IPP: variants seen among roughly 807,000 people sequenced by gnomAD.
The protein encoded by IPP is intracisternal A particle-promoted polypeptide.
In IPP, 41 loss-of-function variants were observed where a neutral mutation model predicts 64.1. That is an observed-to-expected ratio of 0.64 (90% CI 0.50 to 0.83). The LOEUF is 0.83. Among genes scored for constraint, IPP ranks in the 40% least tolerant of loss-of-function variants. The pLI is 0.00. For synonymous variants in IPP, 214 were observed against 235.2 expected (o/e 0.91, Z 0.83); for missense variants, 649 against 703.0 (o/e 0.92, Z 0.87).
At chr1:45,720,666 T>C (rs1413894189) in intron 5 of IPP, among the ~76,000 whole-genome samples, 1 of 152,134 alleles carries the variant, frequency 6.6e-6, no homozygotes, top group Non-Finnish European at 1.5e-5. Context: ...CAGAGACTAA[T>C]GGAACAGAAA....
At chr1:45,702,804 C>A (rs904292744) in intron 8 of IPP, among the ~76,000 whole-genome samples, 1 of 152,070 alleles carries the variant, frequency 6.6e-6, no homozygotes, top group Non-Finnish European at 1.5e-5. Flanking sequence ...CTATTCATTT[C>A]AAAGCCATAT....
chr1:45,739,553 C>G (rs1646032376), intron 3 of IPP, among the ~76,000 whole-genome samples: 1 of 151,090 alleles, frequency 6.6e-6, no homozygotes, highest in African/African-American at 2.4e-5. Context: ...TTGCACCTGG[C>G]CTAAAGTAAT....
intron 8 of IPP, among the ~76,000 whole-genome samples, chr1:45,708,445 G>C (rs571955414): frequency 6.8e-6 from 1 of 147,334 alleles, no homozygotes; most frequent in African/African-American, 2.5e-5. Context: ...TTGGGAGGCC[G>C]AGGCAGGTGG....
intron 5 of IPP, among the ~76,000 whole-genome samples, chr1:45,721,773 G>A (rs548233567): frequency 6.6e-6 from 1 of 152,314 alleles, no homozygotes; most frequent in Admixed American, 6.5e-5. Context: ...CTTGAAAGAA[G>A]AAATCCGGCT....
At chr1:45,706,006 G>C (rs1645508256) in intron 8 of IPP, among the ~76,000 whole-genome samples, 1 of 152,128 alleles carries the variant, frequency 6.6e-6, no homozygotes, top group East Asian at 1.9e-4. Flanking sequence ...ACAGAGATCA[G>C]AGTTTGGTAC....
At chr1:45,718,982 C>T (rs905210063) in intron 6 of IPP, among the ~76,000 whole-genome samples, 4 of 151,028 alleles carry the variant, frequency 2.6e-5, no homozygotes, top group African/African-American at 9.7e-5. Flanking sequence ...TTTAATTGTA[C>T]ATTTAAAAAT....
Position 45,729,686 on chromosome 1 carries a change from T to G in IPP, c.808A>C (p.Lys270Gln), listed in dbSNP as rs758685331. The G allele has an allele frequency of 4.3e-6, 7 of 1,612,262 alleles. No homozygotes were observed. The South Asian group carries it at 7.7e-5, about 18-fold the overall frequency. ...GATGTCTGCAGAAAACTACAAAACT[T>G]GTTCTCTTTGGGAGATTTGCATACT... ...CEVCKSPKEN[K>Q]FCSFLQTSKV... The change falls in exon 4 of 9, where the codon AAG becomes CAG. Residue 270 changes from lysine to glutamine, a missense_variant. Coordinates refer to ENST00000396478, the MANE Select transcript of IPP (RefSeq NM_005897.3).
At chr1:45,724,730 A>G (rs960416193) in intron 5 of IPP, among the ~76,000 whole-genome samples, 5 of 133,274 alleles carry the variant, frequency 3.8e-5, no homozygotes, top group African/African-American at 8.8e-5. Flanking sequence ...AAGTGAGGAA[A>G]CCCTCTGCCT....
At position 45,727,799 on chromosome 1, in the gene IPP, C is replaced by A; in HGVS notation, c.881-1G>T. 6.6e-7 allele frequency: 1 copy of A among 1,513,720 alleles called. No individual in the cohort carries two copies. Among genetic ancestry groups the A allele is most frequent in the Non-Finnish European group, 9.0e-7 (1 of 1,114,680 alleles). 93.8% of individuals were successfully genotyped at this position (1,513,720 alleles called of 1,614,324 possible). On this transcript the variant is annotated splice_acceptor_variant, in intron 4 of 8. Coordinates refer to ENST00000396478, the MANE Select transcript of IPP (RefSeq NM_005897.3). LOFTEE classifies it high-confidence loss of function. ...CCCCCCTGCAACCGAGTATATCCAC[C>A]TAAACAAAAGAAGAAAAGGTAGTAA...
chr1:45,724,338 C>T (rs1645776614), intron 5 of IPP, among the ~76,000 whole-genome samples: 1 of 151,576 alleles, frequency 6.6e-6, no homozygotes, highest in Admixed American at 6.6e-5. Context: ...GCTACAACCA[C>T]CTCCCAGCCG....
At chr1:45,719,497 A>C (rs571583415) in intron 5 of IPP, among the ~76,000 whole-genome samples, 157 bp from the exon 6 acceptor site, 1 of 152,336 alleles carries the variant, frequency 6.6e-6, no homozygotes, top group African/African-American at 2.4e-5. Flanking sequence ...GTCAAGCAGT[A>C]TTTTGAATCT....
chr1:45,747,588 G>A (rs992462128), intron 1 of IPP, among the ~76,000 whole-genome samples: 2 of 152,120 alleles, frequency 1.3e-5, no homozygotes, highest in African/African-American at 4.8e-5. Flanking sequence ...AGCACGTTGG[G>A]ATGCTGAGGC....
chr1:45,706,597 G>A (rs1369885610), intron 8 of IPP, among the ~76,000 whole-genome samples: 3 of 152,052 alleles, frequency 2.0e-5, no homozygotes, highest in African/African-American at 7.2e-5. Context: ...TTACAGGCAT[G>A]CACCAACCTG....
intron 2 of IPP, among the ~76,000 whole-genome samples, chr1:45,742,689 A>G (rs1025633143): frequency 1.3e-5 from 2 of 151,008 alleles, no homozygotes; most frequent in Non-Finnish European, 2.9e-5. Context: ...ACTCACCACC[A>G]TGATCGGCTA....
intron 8 of IPP, among the ~76,000 whole-genome samples, chr1:45,712,642 G>A (rs1645605877): frequency 6.6e-6 from 1 of 151,822 alleles, no homozygotes; most frequent in African/African-American, 2.4e-5. Context: ...AAGATCACGA[G>A]GTCAGGAGAT....
chr1:45,749,528 T>G (rs1471928232), intron 1 of IPP, among the ~76,000 whole-genome samples: 4 of 146,144 alleles, frequency 2.7e-5, no homozygotes, highest in Non-Finnish European at 4.5e-5. Flanking sequence ...GTTTTTTGTT[T>G]TTTTTTTTTT....
rs747621178 is a variant in IPP at position 45,699,762 on chromosome 1, A to C, written c.*204T>G. 1.3e-5 allele frequency: 18 copies of C among 1,343,364 alleles called. No individual in the cohort carries two copies. Among genetic ancestry groups the C allele is most frequent in the Non-Finnish European group, 1.6e-5 (17 of 1,030,906 alleles). The allele number at this position is 1,343,364 out of a possible 1,614,324, so 83.2% of individuals were successfully genotyped here. A position where few individuals can be genotyped will look rare whatever the true frequency, so the allele number is the denominator to read the frequency against. On this transcript the variant is annotated 3_prime_UTR_variant, in exon 9 of 9. Transcript: ENST00000396478. ...ACTACAACCTCAAATTCCTGGGCTC[A>C]AGTGATCCTTCTGCCTCAGCCTTCC...
At chr1:45,713,336 G>A (rs144492832) in intron 8 of IPP, among the ~76,000 whole-genome samples, 1,777 of 152,182 alleles carry the variant, frequency 0.012, 26 homozygotes, top group African/African-American at 0.037. Flanking sequence ...TGAGGCGGGC[G>A]GATCACCTGA....
chr1:45,721,998 G>A (rs1170484418), intron 5 of IPP, among the ~76,000 whole-genome samples: 1 of 152,160 alleles, frequency 6.6e-6, no homozygotes, highest in Non-Finnish European at 1.5e-5. Flanking sequence ...GAACCCGAGA[G>A]GCAGAGGTTG....
Sources: gnomAD v4.1 joint callset for allele counts (sites outside exome capture counted in the v4.1 genomes callset) on GRCh38, gnomAD v4.1.1 for gene constraint, MANE v1.5 for transcripts, NCBI Gene and HGNC (gene_info 2026-07-23, HGNC 2026-07-21) for gene names.